The following CFAP69 variants were observed in gnomAD, a reference collection of about 807,000 sequenced individuals.
CFAP69 encodes the protein cilia and flagella associated protein 69.
In CFAP69, 92 loss-of-function variants were observed where a neutral mutation model predicts 123.0. The ratio of observed to expected loss-of-function variants is 0.75; its 90% CI spans 0.63 to 0.89. The LOEUF is 0.89. Ranked by LOEUF, CFAP69 falls within the 40% of genes least tolerant of loss-of-function variation. The pLI, the probability that CFAP69 is intolerant of heterozygous loss-of-function variation, is 0.00. For missense variants in CFAP69, 1,067 were observed against 1,096.9 expected, an observed-to-expected ratio of 0.97 and a Z score of 0.39; for synonymous variants, 380 against 364.3, an observed-to-expected ratio of 1.04 and a Z score of -0.49.
chr7:90,260,533 AAAAAAAAG>A (rs1203841747), intron 3 of CFAP69, among the ~76,000 whole-genome samples: 2 of 151,864 alleles, frequency 1.3e-5, no homozygotes, highest in Admixed American at 6.6e-5. Flanking sequence ...TCCTGTCTCT[AAAAAAAAG>A]AAAAAAAGAA....
In CFAP69 at chr7:90,249,887, G is replaced by A. The variant is rs114048225; in HGVS notation, c.120+4343G>A. Among the ~76,000 whole-genome samples the A allele has an allele frequency of 8.9e-3, 1,353 of 152,180 alleles. 20 individuals are homozygous for A. Among genetic ancestry groups the A allele is most frequent in the African/African-American group, 0.03 (1,265 of 41,518 alleles). The stretch of plus-strand genomic sequence containing the variant: ...AATTAATATAATGATTAGTTGACTG[G>A]CGTAGGTATCATGCCTGAACTTCCT... On this transcript the variant is annotated intron_variant, in intron 1 of 22. Transcript: ENST00000389297.
chr7:90,299,795 T>TG, intron 16 of CFAP69, 72 bp from the exon 17 acceptor site: 1 of 1,043,132 alleles, frequency 9.6e-7, no homozygotes, highest in Non-Finnish European at 1.3e-6. Flanking sequence ...AGTGTTTCTC[T>TG]CTTTTTTTTT....
At chr7:90,295,289 C>G (rs562943681) in intron 15 of CFAP69, among the ~76,000 whole-genome samples, 1 of 152,198 alleles carries the variant, frequency 6.6e-6, no homozygotes, top group South Asian at 2.1e-4. Flanking sequence ...AATTTGCCTT[C>G]AAATCCAGGG....
intron 8 of CFAP69, 108 bp downstream of exon 8, chr7:90,272,066 T>C (rs1214458893): frequency 1.9e-5 from 20 of 1,034,954 alleles, no homozygotes; most frequent in Non-Finnish European, 2.3e-5. Context: ...TTTAGATTCA[T>C]GTAATGGCTA....
chr7:90,257,543 T>C (rs2116674920), intron 2 of CFAP69, among the ~76,000 whole-genome samples: 1 of 152,318 alleles, frequency 6.6e-6, no homozygotes, highest in Non-Finnish European at 1.5e-5. Flanking sequence ...AACACAGTCT[T>C]CCTATCTTTT....
At chr7:90,318,256 A>G in the CFAP69 span, 5 of 152,170 alleles carry the variant, frequency 3.3e-5, no homozygotes, top group Non-Finnish European at 5.9e-5. Context: ...CCTTTTTGAA[A>G]TAAGATGTGA....
At chr7:90,268,211 A>C in intron 5 of CFAP69, 75 bp from the exon 6 acceptor site, 1 of 866,564 alleles carries the variant, frequency 1.2e-6, no homozygotes, top group Middle Eastern at 3.2e-4. Context: ...TCATATTATT[A>C]ACATTTTATG....
intron 4 of CFAP69, among the ~76,000 whole-genome samples, chr7:90,264,889 A>G (rs1203268766): frequency 6.6e-6 from 1 of 151,742 alleles, no homozygotes; most frequent in Non-Finnish European, 1.5e-5. Flanking sequence ...CGCCTCCAGG[A>G]TTCTAGCGAT....
chr7:90,291,035 T>A (rs148891282), intron 15 of CFAP69, among the ~76,000 whole-genome samples: 1 of 152,064 alleles, frequency 6.6e-6, no homozygotes, highest in African/African-American at 2.4e-5. Context: ...GTAGGCACTT[T>A]AGCAAATTCT....
At chr7:90,293,422 A>G (rs1791487314) in intron 15 of CFAP69, among the ~76,000 whole-genome samples, 1 of 152,206 alleles carries the variant, frequency 6.6e-6, no homozygotes, top group Non-Finnish European at 1.5e-5. Context: ...CATTTATGCC[A>G]ATGTTCAGTT....
In CFAP69 at chr7:90,271,947, G is replaced by A. The variant is rs1475625203; in HGVS notation, c.849G>A (p.Leu283=). 1 of 1,611,030 alleles carries A rather than the reference G, an allele frequency of 6.2e-7. No individual in the cohort carries two copies. Among genetic ancestry groups the A allele is most frequent in the South Asian group, 1.1e-5 (1 of 90,312 alleles). ...KEEVIQQLSN[L]ECLLALKEVF... is the part of the protein sequence containing the mutation. The stretch of plus-strand genomic sequence containing the variant: ...AAGTCATACAACAGCTTAGTAACTT[G>A]GAATGTTTGCTGTAAGCGTATGTGG... Residue 283 remains leucine (L), a synonymous_variant, in exon 8 of 23, where the codon TTG becomes TTA. Transcript: ENST00000389297.
At chr7:90,261,090 T>A (rs909292112) in intron 3 of CFAP69, among the ~76,000 whole-genome samples, 1 of 152,032 alleles carries the variant, frequency 6.6e-6, no homozygotes, top group African/African-American at 2.4e-5. Flanking sequence ...GGATTTTTTT[T>A]TTTTTTTGAG....
chr7:90,283,212 G>T (rs935641903), intron 13 of CFAP69, among the ~76,000 whole-genome samples, 156 bp downstream of exon 13: 6 of 152,274 alleles, frequency 3.9e-5, no homozygotes, highest in Admixed American at 3.3e-4. Flanking sequence ...CTATAAATTA[G>T]TGTGTCTTAT....
intron 18 of CFAP69, 184 bp downstream of exon 18, chr7:90,304,290 G>T: frequency 7.5e-7 from 1 of 1,326,904 alleles, no homozygotes; most frequent in Non-Finnish European, 9.6e-7. Context: ...CTCTGTGTGT[G>T]GGATCCAGGC....
chr7:90,273,939 A>T, intron 8 of CFAP69, 48 bp from the exon 9 acceptor site: 1 of 1,414,772 alleles, frequency 7.1e-7, no homozygotes, highest in Non-Finnish European at 9.6e-7. Context: ...GGACGCAAAC[A>T]TTTAGTGTAT....
intron 5 of CFAP69, among the ~76,000 whole-genome samples, 189 bp downstream of exon 5, chr7:90,265,566 G>A (rs1326500177): frequency 2.0e-5 from 3 of 152,100 alleles, no homozygotes; most frequent in African/African-American, 4.8e-5. Flanking sequence ...AGGTTGTTTC[G>A]TGATACCAAT....
At chr7:90,293,060 A>G (rs1414968157) in intron 15 of CFAP69, among the ~76,000 whole-genome samples, 1 of 152,240 alleles carries the variant, frequency 6.6e-6, no homozygotes, top group Non-Finnish European at 1.5e-5. Context: ...TGTAGCAATT[A>G]TAACTATTAG....
chr7:90,267,170 T>A (rs1799264312), intron 5 of CFAP69, among the ~76,000 whole-genome samples: 1 of 152,122 alleles, frequency 6.6e-6, no homozygotes, highest in Admixed American at 6.6e-5. Context: ...TAAATAAAAT[T>A]TAGAGTTAGA....
intron 13 of CFAP69, 90 bp downstream of exon 13, chr7:90,283,146 G>A (rs1347203381): frequency 1.5e-5 from 15 of 985,122 alleles, no homozygotes; most frequent in African/African-American, 3.4e-5. Context: ...AATTTATTTT[G>A]TCTTTATGAC....
Sources: allele counts gnomAD v4.1 joint callset (sites outside exome capture counted in the v4.1 genomes callset), GRCh38; gene constraint gnomAD v4.1.1; transcripts MANE v1.5; gene names NCBI Gene and HGNC (gene_info 2026-07-23, HGNC 2026-07-21).